The following C11orf42 variants were observed in gnomAD, a reference collection of about 807,000 sequenced individuals.
C11orf42 encodes uncharacterized protein C11orf42.
In C11orf42, 24 loss-of-function variants were observed where a neutral mutation model predicts 27.9. The ratio of observed to expected loss-of-function variants is 0.86; its 90% CI spans 0.62 to 1.21. C11orf42 has a LOEUF of 1.21. Among genes scored for constraint, C11orf42 ranks in the 50% most tolerant of loss-of-function variants. The pLI is 0.00. For synonymous variants in C11orf42, 187 were observed against 180.8 expected (o/e 1.03, Z -0.28); for missense variants, 455 against 424.1 (o/e 1.07, Z -0.64).
chr11:6,205,570 T>C lies in C11orf42; in HGVS notation c.-46T>C, dbSNP rs368262575. The C allele has an allele frequency of 2.4e-5, 36 of 1,500,216 alleles. 1 individual carries two copies. The South Asian group carries it at 3.7e-4, about 15-fold the overall frequency. 92.9% of individuals were successfully genotyped at this position (1,500,216 alleles called of 1,614,324 possible). A position where few individuals can be genotyped will look rare whatever the true frequency, so the allele number is the denominator to read the frequency against. ...TCTCACCTCCCTGGGCTGCCTGGGG[T>C]TCCTGCAGCAGCCACTGCCCTGCCC... On this transcript the variant is annotated 5_prime_UTR_variant, in exon 1 of 3. Transcript: ENST00000316375.
intron 1 of C11orf42, among the ~76,000 whole-genome samples, chr11:6,207,171 T>C (rs1846988020): frequency 6.6e-6 from 1 of 152,196 alleles, no homozygotes. Context: ...GAGCACATAG[T>C]AGTCTTAAAT....
intron 1 of C11orf42, among the ~76,000 whole-genome samples, chr11:6,206,993 T>C (rs1846985622): frequency 6.6e-6 from 1 of 152,184 alleles, no homozygotes; most frequent in African/African-American, 2.4e-5. Flanking sequence ...TAAAAACATT[T>C]GGCTAAACAG....
In C11orf42 at chr11:6,210,219, CAG is replaced by C; in HGVS notation, c.444_445del (p.Gln148HisfsTer33). The part of the protein sequence containing the change: ...LLPPGQVSLQ[Q>X]TLPWLRSTHS... The stretch of plus-strand genomic sequence containing the variant: ...GCCACCAGGGCAGGTGAGCCTACAG[CAG>C]ACTCTTCCCTGGCTCCGAAGCACCC... On this transcript the variant is annotated frameshift_variant, in exon 2 of 3. Transcript: ENST00000316375. LOFTEE classifies it high-confidence loss of function. This position sits in a 1 kb window ranked among gnomAD's most constrained non-coding sequence, Gnocchi z 4.0. 1 of 1,614,232 alleles carries C rather than the reference CAG, an allele frequency of 6.2e-7. No individual in the cohort carries two copies. The highest frequency in any genetic ancestry group is 8.5e-7 in the Non-Finnish European group (1 of 1,180,032).
intron 1 of C11orf42, among the ~76,000 whole-genome samples, chr11:6,206,441 A>C (rs991630208): frequency 3.9e-5 from 6 of 152,194 alleles, no homozygotes; most frequent in Non-Finnish European, 8.8e-5. Context: ...AATCCTACCA[A>C]ATCACTTTTC....
chr11:6,206,512 G>A (rs555995934), intron 1 of C11orf42, among the ~76,000 whole-genome samples: 1 of 151,988 alleles, frequency 6.6e-6, no homozygotes, highest in African/African-American at 2.4e-5. Context: ...TGATTTGAAG[G>A]AAGGTGAATT....
In C11orf42 at chr11:6,210,872, C is replaced by A; in HGVS notation, c.872-40C>A. 6.4e-7 allele frequency: 1 copy of A among 1,551,960 alleles called. No individual in the cohort carries two copies. Among genetic ancestry groups the A allele is most frequent in the Admixed American group, 2.1e-5 (1 of 47,238 alleles). The stretch of plus-strand genomic sequence containing the variant: ...GGGAAAAGCTAGGGGGGGAAAAGAC[C>A]AGCCATGAGTCAAGCTGTGACTATC... On this transcript the variant is annotated intron_variant, in intron 2 of 2. Coordinates refer to ENST00000316375, the MANE Select transcript of C11orf42 (RefSeq NM_173525.3). The surrounding 1 kb of genome is among the most constrained non-coding windows in gnomAD (Gnocchi z 4.0).
Position 6,205,595 on chromosome 11 carries a change from C to G in C11orf42, c.-21C>G. 1 of 1,608,878 alleles carries G rather than the reference C, an allele frequency of 6.2e-7. No homozygotes were observed. Among genetic ancestry groups the G allele is most frequent in the Non-Finnish European group, 8.5e-7 (1 of 1,176,116 alleles). On this transcript the variant is annotated 5_prime_UTR_variant, in exon 1 of 3. Coordinates refer to ENST00000316375, the MANE Select transcript of C11orf42 (RefSeq NM_173525.3). Reference sequence around the variant, plus strand: ...TTCCTGCAGCAGCCACTGCCCTGCCCAATCCCTCCCATACCCCACCATGTT... The same window carrying G: ...TTCCTGCAGCAGCCACTGCCCTGCCGAATCCCTCCCATACCCCACCATGTT...
In C11orf42 at chr11:6,210,283, C is replaced by A. The variant is rs749793340; in HGVS notation, c.506C>A (p.Ser169Tyr). 31 of 1,614,120 alleles carry A rather than the reference C, an allele frequency of 1.9e-5. No homozygotes were observed. Among genetic ancestry groups the A allele is most frequent in the African/African-American group, 5.3e-5 (4 of 74,938 alleles). The change falls in exon 2 of 3, where the codon TCC becomes TAC. Residue 169 changes from serine (S) to tyrosine (Y), a missense_variant. Coordinates refer to ENST00000316375, the MANE Select transcript of C11orf42 (RefSeq NM_173525.3). This position sits in a 1 kb window ranked among gnomAD's most constrained non-coding sequence, Gnocchi z 4.0. ...GTCATCTACCAGGTCTTCTCTTGTT[C>A]CTGGCTGCAGCTGGGGCTGACGTCT... ...IYVIYQVFSCSWLQLGLTSTA... is the reference protein window; with the variant it reads ...IYVIYQVFSCYWLQLGLTSTA...
intron 1 of C11orf42, among the ~76,000 whole-genome samples, chr11:6,208,209 C>CCACA (rs113145388): frequency 5.3e-5 from 8 of 150,258 alleles, no homozygotes; most frequent in Admixed American, 3.3e-4. Context: ...AACAAACAAA[C>CCACA]CACACACACA....
At chr11:6,208,389 T>C (rs1337069153) in intron 1 of C11orf42, among the ~76,000 whole-genome samples, 1 of 152,184 alleles carries the variant, frequency 6.6e-6, no homozygotes, top group Non-Finnish European at 1.5e-5. Context: ...CTGCGTAACC[T>C]ACTATTGATT....
rs1847053912 is a variant in C11orf42, at chr11:6,210,897, C to A, written c.872-15C>A. ...CAGCCATGAGTCAAGCTGTGACTAT[C>A]CCCAACCCTGGCAGAGAACTGGCTC... On this transcript the variant is annotated splice_polypyrimidine_tract_variant and intron_variant, in intron 2 of 2. Transcript: ENST00000316375. This position sits in a 1 kb window ranked among gnomAD's most constrained non-coding sequence, Gnocchi z 4.0. The A allele has an allele frequency of 1.3e-6, 2 of 1,595,620 alleles. No individual in the cohort carries two copies. Among genetic ancestry groups the A allele is most frequent in the African/African-American group, 2.7e-5 (2 of 74,124 alleles).
chr11:6,208,691 T>C (rs1032513261), intron 1 of C11orf42, among the ~76,000 whole-genome samples: 1 of 152,132 alleles, frequency 6.6e-6, no homozygotes, highest in Non-Finnish European at 1.5e-5. Context: ...CCTCCCAAAG[T>C]GCTGGGATTA....
chr11:6,209,682 C>T (rs1168212836), intron 1 of C11orf42, among the ~76,000 whole-genome samples, 168 bp from the exon 2 acceptor site: 1 of 152,202 alleles, frequency 6.6e-6, no homozygotes, highest in Non-Finnish European at 1.5e-5. Flanking sequence ...TAGTTTGACA[C>T]GTAAACATTC....
intron 1 of C11orf42, among the ~76,000 whole-genome samples, chr11:6,209,577 T>C (rs1847019631): frequency 1.3e-5 from 2 of 152,232 alleles, no homozygotes; most frequent in South Asian, 4.1e-4. Flanking sequence ...ATATTTTACA[T>C]AGCAGACTGT....
chr11:6,210,007 T>A lies in C11orf42; in HGVS notation c.230T>A (p.Val77Glu), dbSNP rs112962429. 1.2e-6 allele frequency: 2 copies of A among 1,614,114 alleles called. No individual in the cohort carries two copies. The highest frequency in any genetic ancestry group is 3.3e-5 in the Admixed American group (2 of 60,026). ...GRQGRRALKP[V>E]GPLPSLLEQA... is the part of the protein sequence containing the mutation. ...CAGGGCCGGAGGGCACTGAAACCAG[T>A]GGGGCCACTACCAAGCCTCCTGGAG... is the stretch of plus-strand genomic sequence containing the variant. The change falls in exon 2 of 3, where the codon GTG (valine) becomes GAG (glutamate). Residue 77 changes from valine to glutamate, a missense_variant. Physicochemically the swap from Val to Glu is moderately radical, Grantham distance 121. Coordinates refer to ENST00000316375, the MANE Select transcript of C11orf42 (RefSeq NM_173525.3). This position sits in a 1 kb window ranked among gnomAD's most constrained non-coding sequence, Gnocchi z 4.0.
At chr11:6,208,901 G>A (rs140273385) in intron 1 of C11orf42, among the ~76,000 whole-genome samples, 1,670 of 152,072 alleles carry the variant, frequency 0.011, 15 homozygotes, top group South Asian at 0.03. Context: ...CTGGCCAGGC[G>A]CGGTGGCTCA....
chr11:6,210,950 G>T lies in C11orf42; in HGVS notation c.910G>T (p.Ala304Ser). ...CAGCCCCCGCAGCCCTCCACCAGGA[G>T]CCCAGGGTGGGGGCCCCAGGGACCC... ...LFSPRSPPPGAQGGGPRDPDG... is the reference protein window; with the variant it reads ...LFSPRSPPPGSQGGGPRDPDG... Residue 304 changes from alanine (A) to serine (S), a missense_variant, in exon 3 of 3, where the codon GCC (alanine) becomes TCC (serine). Transcript: ENST00000316375. This position sits in a 1 kb window ranked among gnomAD's most constrained non-coding sequence, Gnocchi z 4.0. 6.2e-7 allele frequency: 1 copy of T among 1,608,428 alleles called. No homozygotes were observed. Among genetic ancestry groups the T allele is most frequent in the Non-Finnish European group, 8.5e-7 (1 of 1,178,188 alleles).
At position 6,210,030 on chromosome 11, in the gene C11orf42, G is replaced by A. The variant is rs1158449154; in HGVS notation, c.253G>A (p.Glu85Lys). The A allele has an allele frequency of 3.7e-6, 6 of 1,614,126 alleles. No individual in the cohort carries two copies. The highest frequency in any genetic ancestry group is 4.2e-6 in the Non-Finnish European group (5 of 1,180,050). ...AGTGGGGCCACTACCAAGCCTCCTG[G>A]AGCAGGCAGGATCTGAGGGTGCCTT... The part of the protein sequence containing the change: ...KPVGPLPSLL[E>K]QAGSEGAFAH... The change falls in exon 2 of 3, where the codon GAG (glutamate) becomes AAG (lysine). Residue 85 changes from glutamate to lysine, a missense_variant. Physicochemically the swap from Glu to Lys is moderately conservative, Grantham distance 56. Transcript: ENST00000316375. This position sits in a 1 kb window ranked among gnomAD's most constrained non-coding sequence, Gnocchi z 4.0.
chr11:6,207,706 C>A (rs1846994640), intron 1 of C11orf42, among the ~76,000 whole-genome samples: 1 of 152,198 alleles, frequency 6.6e-6, no homozygotes, highest in Non-Finnish European at 1.5e-5. Flanking sequence ...AAAAGAACAT[C>A]AGTTATTCCT....
Sources: gnomAD v4.1 joint callset for allele counts (sites outside exome capture counted in the v4.1 genomes callset) on GRCh38, gnomAD v4.1.1 for gene constraint, Gnocchi (gnomAD v3.1) non-coding constraint, MANE v1.5 for transcripts, NCBI Gene and HGNC (gene_info 2026-07-23, HGNC 2026-07-21) for gene names.